The following MTUS2 variants were observed in gnomAD, a reference collection of about 807,000 sequenced individuals.
MTUS2 encodes microtubule-associated tumor suppressor candidate 2.
A neutral mutation model predicts 114.1 loss-of-function variants in MTUS2; 40 were observed. The observed-to-expected ratio is 0.35, with a 90% CI of 0.27 to 0.46. The LOEUF (loss-of-function observed/expected upper bound fraction) is 0.46, where lower values mean the gene tolerates loss of function less well. Ranked by LOEUF, MTUS2 falls within the 20% of genes least tolerant of loss-of-function variation. The pLI is 1.00. For synonymous variants in MTUS2, 688 were observed against 672.0 expected (o/e 1.02, Z -0.37); for missense variants, 1,679 against 1,705.4 (o/e 0.98, Z 0.27).
At chr13:29,145,949 G>T (rs1314127068) in intron 5 of MTUS2, among the ~76,000 whole-genome samples, 1 of 152,134 alleles carries the variant, frequency 6.6e-6, no homozygotes, top group African/African-American at 2.4e-5. Flanking sequence ...TTCTTTAAGG[G>T]ACAACATGGG....
chr13:29,285,830 A>T (rs923251842), intron 6 of MTUS2, among the ~76,000 whole-genome samples: 6 of 152,330 alleles, frequency 3.9e-5, no homozygotes, highest in Non-Finnish European at 8.8e-5. Flanking sequence ...TCAAACAAAC[A>T]TTTGAACAAA....
At chr13:29,310,695 G>T (rs1341834762) in intron 6 of MTUS2, among the ~76,000 whole-genome samples, 2 of 152,198 alleles carry the variant, frequency 1.3e-5, no homozygotes, top group Non-Finnish European at 2.9e-5. Context: ...ACAGCGAGGT[G>T]TATATCCATT....
At chr13:29,101,876 GTTCT>G (rs1890433232) in intron 5 of MTUS2, among the ~76,000 whole-genome samples, 1 of 152,174 alleles carries the variant, frequency 6.6e-6, no homozygotes, top group Non-Finnish European at 1.5e-5. Flanking sequence ...TTTATTCTCT[GTTCT>G]TTCTTGTGTT....
At position 29,341,400 on chromosome 13, in the gene MTUS2, A is replaced by G. The variant is rs558170133; in HGVS notation, c.2905+16689A>G. ...GGCTTTGATTTGCATCTCCCTGATG[A>G]TTAATGATGATGAGCATTTTTTCAT... On this transcript the variant is annotated intron_variant, in intron 7 of 15. Transcript: ENST00000612955. Among the ~76,000 whole-genome samples, 62 of 152,268 alleles carry G rather than the reference A, an allele frequency of 4.1e-4. 1 individual carries two copies. Among genetic ancestry groups the G allele is most frequent in the African/African-American group, 1.4e-3 (60 of 41,552 alleles).
Position 29,480,771 on chromosome 13 carries a change from A to G in MTUS2, c.3399+407A>G, listed in dbSNP as rs1329766486. On this transcript the variant is annotated intron_variant, in intron 10 of 15. Transcript: ENST00000612955. This position sits in a 1 kb window ranked among gnomAD's most constrained non-coding sequence, Gnocchi z 4.4. ...TTCAGCACTTATCACTAACACATAC[A>G]TTTTTGCTTTTCTACCTTATTTATC... is the stretch of plus-strand genomic sequence containing the variant. Among the ~76,000 whole-genome samples, 2 of 151,910 alleles carry G rather than the reference A, an allele frequency of 1.3e-5. No individual in the cohort carries two copies. The highest frequency in any genetic ancestry group is 2.9e-5 in the Non-Finnish European group (2 of 67,986).
intron 4 of MTUS2, among the ~76,000 whole-genome samples, chr13:29,070,980 GT>G (rs59683514): frequency 3.1e-4 from 46 of 147,978 alleles, no homozygotes; most frequent in African/African-American, 4.0e-4. Flanking sequence ...CTGATTGCTT[GT>G]TTTTTTTTTT....
intron 4 of MTUS2, among the ~76,000 whole-genome samples, chr13:29,046,303 A>G (rs1887615611): frequency 6.6e-6 from 1 of 151,416 alleles, no homozygotes; most frequent in Non-Finnish European, 1.5e-5. Flanking sequence ...TTTTGTAGAG[A>G]TGAGGTCTCT....
intron 2 of MTUS2, among the ~76,000 whole-genome samples, chr13:28,843,678 C>A (rs531805413): frequency 1.2e-4 from 19 of 152,178 alleles, no homozygotes; most frequent in African/African-American, 4.3e-4. Flanking sequence ...TAAGACTGTG[C>A]AATTTACCCT....
chr13:29,363,860 C>A (rs1270017464), intron 8 of MTUS2, among the ~76,000 whole-genome samples: 2 of 152,078 alleles, frequency 1.3e-5, no homozygotes, highest in Non-Finnish European at 2.9e-5. Context: ...TCTACTATGT[C>A]CTGGGCACTT....
chr13:28,897,054 G>T (rs143392933), intron 2 of MTUS2, among the ~76,000 whole-genome samples: 82 of 152,236 alleles, frequency 5.4e-4, no homozygotes, highest in African/African-American at 1.9e-3. Context: ...TGACAAATGG[G>T]ATCTAATGAA....
At chr13:29,232,719 T>C (rs1055035389) in intron 5 of MTUS2, among the ~76,000 whole-genome samples, 7 of 152,190 alleles carry the variant, frequency 4.6e-5, no homozygotes, top group African/African-American at 1.7e-4. Flanking sequence ...GGGGAGTTAG[T>C]ACTGTCTGGG....
intron 6 of MTUS2, among the ~76,000 whole-genome samples, chr13:29,291,616 C>T (rs1199245465): frequency 6.6e-6 from 1 of 152,196 alleles, no homozygotes; most frequent in African/African-American, 2.4e-5. Flanking sequence ...TGATCACCTC[C>T]ATCAGCCTCG....
chr13:29,277,881 A>T (rs929469052), intron 5 of MTUS2, among the ~76,000 whole-genome samples: 2 of 152,224 alleles, frequency 1.3e-5, no homozygotes, highest in Non-Finnish European at 2.9e-5. Flanking sequence ...CCCTGAATTC[A>T]TCCAAGGAGA....
At chr13:29,445,030 T>C (rs1465046687) in intron 9 of MTUS2, among the ~76,000 whole-genome samples, 1 of 152,106 alleles carries the variant, frequency 6.6e-6, no homozygotes, top group East Asian at 1.9e-4. Flanking sequence ...ATTTATACCT[T>C]CCCATTTGTG....
chr13:28,896,254 A>G (rs899799937), intron 2 of MTUS2, among the ~76,000 whole-genome samples: 9 of 152,180 alleles, frequency 5.9e-5, no homozygotes, highest in Admixed American at 2.6e-4. Context: ...TTATACACCA[A>G]TAACAGACAA....
At chr13:29,184,276 A>AC (rs1894128488) in intron 5 of MTUS2, among the ~76,000 whole-genome samples, 3 of 151,802 alleles carry the variant, frequency 2.0e-5, no homozygotes, top group Non-Finnish European at 4.4e-5. Context: ...ACTGTTCCCC[A>AC]CCCCCTCCAG....
chr13:28,833,732 G>T (rs1230286725), intron 1 of MTUS2, among the ~76,000 whole-genome samples: 1 of 152,090 alleles, frequency 6.6e-6, no homozygotes, highest in African/African-American at 2.4e-5. Flanking sequence ...AAATCATCCA[G>T]ATTGGAAAGG....
At chr13:28,918,582 G>A (rs1880875163) in intron 2 of MTUS2, among the ~76,000 whole-genome samples, 4 of 151,766 alleles carry the variant, frequency 2.6e-5, no homozygotes, top group African/African-American at 4.8e-5. Context: ...GTTTTTTTGT[G>A]TGTGTGGGGA....
intron 2 of MTUS2, among the ~76,000 whole-genome samples, chr13:28,847,321 G>C (rs557368272): frequency 6.6e-6 from 1 of 152,004 alleles, no homozygotes; most frequent in East Asian, 1.9e-4. Flanking sequence ...GAGGATGAGG[G>C]TGGAGTATAA....
Sources: allele counts gnomAD v4.1 joint callset (sites outside exome capture counted in the v4.1 genomes callset), GRCh38; gene constraint gnomAD v4.1.1; non-coding constraint Gnocchi (gnomAD v3.1); transcripts MANE v1.5; gene names NCBI Gene and HGNC (gene_info 2026-07-23, HGNC 2026-07-21).